Variants in MACROD2 observed in about 807,000 individuals in gnomAD.
The protein encoded by MACROD2 is ADP-ribose glycohydrolase MACROD2.
A neutral mutation model predicts 70.4 loss-of-function variants in MACROD2; 36 were observed. That is an observed-to-expected ratio of 0.51 (90% confidence interval 0.39 to 0.68). The LOEUF (loss-of-function observed/expected upper bound fraction) is 0.68, where lower values mean the gene tolerates loss of function less well. Ranked by LOEUF, MACROD2 falls within the 30% of genes least tolerant of loss-of-function variation. The probability of loss-of-function intolerance (pLI) is 0.00; values close to 1 mark genes in which losing one functional copy is unlikely to be tolerated. For synonymous variants in MACROD2, 172 were observed against 178.8 expected, an observed-to-expected ratio of 0.96 and a Z score of 0.30; for missense variants, 496 against 538.4, an observed-to-expected ratio of 0.92 and a Z score of 0.78.
At chr20:14,177,563 G>T (rs777984476) in intron 3 of MACROD2, among the ~76,000 whole-genome samples, 9 of 151,984 alleles carry the variant, frequency 5.9e-5, no homozygotes, top group Admixed American at 5.9e-4. Flanking sequence ...TGATCTGCCC[G>T]CCTCGGCCTC....
Position 14,281,971 on chromosome 20 carries a change from G to A in MACROD2, c.271+196243G>A, listed in dbSNP as rs1004608040. On this transcript the variant is annotated intron_variant, in intron 3 of 17. Coordinates refer to ENST00000684519, the MANE Select transcript of MACROD2 (RefSeq NM_001351661.2). ...AAAAAAGAAAAGAAAAATATAATAA[G>A]CACATTATATTTTATCCTAAATTAT... 2.7e-5 allele frequency among the ~76,000 whole-genome samples: 4 copies of A among 146,430 alleles called. No homozygotes were observed. In the Admixed American group the frequency reaches 2.7e-4, roughly 10 times the overall value.
In MACROD2 at chr20:15,227,823, GTTTTTTTT is replaced by G. The variant is rs59129207; in HGVS notation, c.419-2098_419-2091del. Among the ~76,000 whole-genome samples, 23 of 46,092 alleles carry G rather than the reference GTTTTTTTT, an allele frequency of 5.0e-4. 2 individuals are homozygous for G. The highest frequency in any genetic ancestry group is 1.2e-3 in the East Asian group (2 of 1,720). The allele number at this position is 46,092 out of a possible 152,430, so 30.2% of individuals were successfully genotyped here. On this transcript the variant is annotated intron_variant, in intron 5 of 17. Transcript: ENST00000684519. ...TAACTGGTGTGATAGAATTTCACCT[GTTTTTTTT>G]TTTTTTTTTTTTTTTTTTCAAATTT...
chr20:14,568,106 G>A (rs1979927518), intron 4 of MACROD2, among the ~76,000 whole-genome samples: 1 of 151,982 alleles, frequency 6.6e-6, no homozygotes, highest in African/African-American at 2.4e-5. Context: ...AGGGCTTTTA[G>A]CTAGTTGGTG....
In MACROD2 at chr20:15,064,192, G is replaced by C. The variant is rs140114869; in HGVS notation, c.419-165748G>C. On this transcript the variant is annotated intron_variant, in intron 5 of 17. Coordinates refer to ENST00000684519, the MANE Select transcript of MACROD2 (RefSeq NM_001351661.2). Reference sequence around the variant, plus strand: ...GGAGGGGACCAATCTGAGTTGGTACGTGACCCCTTCACCAAAGTAGGAACT... The same window carrying C: ...GGAGGGGACCAATCTGAGTTGGTACCTGACCCCTTCACCAAAGTAGGAACT... Among the ~76,000 whole-genome samples the C allele has an allele frequency of 1.7e-4, 26 of 152,186 alleles. No homozygotes were observed. In the South Asian group the frequency reaches 5.4e-3, roughly 32 times the overall value.
At chr20:15,802,407 T>G (rs921259985) in intron 8 of MACROD2, among the ~76,000 whole-genome samples, 1 of 152,160 alleles carries the variant, frequency 6.6e-6, no homozygotes, top group Non-Finnish European at 1.5e-5. Flanking sequence ...TGAAGGGATG[T>G]TGGATTTTAT....
chr20:14,817,206 C>G (rs577172749), intron 5 of MACROD2, among the ~76,000 whole-genome samples: 1 of 152,222 alleles, frequency 6.6e-6, no homozygotes, highest in South Asian at 2.1e-4. Context: ...GCAGATAGAA[C>G]TATCAGAGCA....
intron 7 of MACROD2, among the ~76,000 whole-genome samples, chr20:15,446,234 T>C (rs1304473790): frequency 6.6e-6 from 1 of 152,158 alleles, no homozygotes; most frequent in Non-Finnish European, 1.5e-5. Flanking sequence ...TTCTGAAGAC[T>C]GACTGAATAT....
chr20:14,015,234 A>C (rs1490517566), intron 2 of MACROD2, among the ~76,000 whole-genome samples: 1 of 152,192 alleles, frequency 6.6e-6, no homozygotes, highest in South Asian at 2.1e-4. Context: ...GTACATTCAC[A>C]GTGCTGTGCG....
chr20:14,138,763 C>CCACACACACA (rs11469437), intron 3 of MACROD2, among the ~76,000 whole-genome samples: 51 of 147,130 alleles, frequency 3.5e-4, no homozygotes, highest in African/African-American at 6.0e-4. Context: ...CTTAAGTTTT[C>CCACACACACA]CACACACACA....
intron 8 of MACROD2, among the ~76,000 whole-genome samples, chr20:15,657,879 G>A (rs542869841): frequency 3.3e-5 from 5 of 152,224 alleles, no homozygotes; most frequent in South Asian, 2.1e-4. Flanking sequence ...GTAATACCCC[G>A]CTACTTGTGA....
intron 8 of MACROD2, among the ~76,000 whole-genome samples, chr20:15,844,926 G>C (rs1240424764): frequency 6.6e-6 from 1 of 151,994 alleles, no homozygotes; most frequent in African/African-American, 2.4e-5. Flanking sequence ...ATAAAAATAT[G>C]TTGCAAGAAG....
chr20:15,664,733 C>A lies in MACROD2; in HGVS notation c.645+164886C>A, dbSNP rs141672588. On this transcript the variant is annotated intron_variant, in intron 8 of 17. Coordinates refer to ENST00000684519, the MANE Select transcript of MACROD2 (RefSeq NM_001351661.2). The stretch of plus-strand genomic sequence containing the variant: ...TTTTTTCATGGTGTTGACAGAAGTA[C>A]AAGAGACACGCACAGTGGCACAAGT... Among the ~76,000 whole-genome samples, 156 of 152,188 alleles carry A rather than the reference C, an allele frequency of 1.0e-3. 3 individuals are homozygous for A. The highest frequency in any genetic ancestry group is 3.4e-3 in the Middle Eastern group (1 of 294).
At chr20:14,529,233 A>C (rs2085273569) in intron 4 of MACROD2, among the ~76,000 whole-genome samples, 1 of 152,214 alleles carries the variant, frequency 6.6e-6, no homozygotes. Context: ...TTAAACAACA[A>C]GATTTATTAT....
At chr20:15,503,130 G>A (rs11905276) in intron 8 of MACROD2, among the ~76,000 whole-genome samples, 1,700 of 152,280 alleles carry the variant, frequency 0.011, 26 homozygotes, top group African/African-American at 0.038. Flanking sequence ...TAAATCAGAT[G>A]TGATATATGA....
chr20:15,357,111 A>T (rs993384714), intron 6 of MACROD2, among the ~76,000 whole-genome samples: 1 of 146,886 alleles, frequency 6.8e-6, no homozygotes, highest in African/African-American at 2.6e-5. Context: ...ATCAAAGAGT[A>T]AAAAAAAAAG....
intron 10 of MACROD2, among the ~76,000 whole-genome samples, chr20:15,910,971 C>T (rs189354501): frequency 6.6e-6 from 1 of 152,356 alleles, no homozygotes; most frequent in East Asian, 1.9e-4. Flanking sequence ...ATTTCATATT[C>T]TCACCTCTCT....
intron 10 of MACROD2, among the ~76,000 whole-genome samples, chr20:15,886,923 C>G (rs934219470): frequency 6.6e-6 from 1 of 152,088 alleles, no homozygotes; most frequent in Non-Finnish European, 1.5e-5. Flanking sequence ...CTTTCTCATT[C>G]TAACAGATAT....
rs191527207 is a variant in MACROD2 at position 15,928,987 on chromosome 20, A to C, written c.776-4289A>C. Among the ~76,000 whole-genome samples, 529 of 148,734 alleles carry C rather than the reference A, an allele frequency of 3.6e-3. 5 individuals carry two copies. The highest frequency in any genetic ancestry group is 0.011 in the African/African-American group (467 of 41,016). ...TAACTTAAAGCCTTCCTGAGCTGAC[A>C]AAAATAAACATGTGTATTAATCAGC... On this transcript the variant is annotated intron_variant, in intron 10 of 17. Coordinates refer to ENST00000684519, the MANE Select transcript of MACROD2 (RefSeq NM_001351661.2).
intron 3 of MACROD2, among the ~76,000 whole-genome samples, chr20:14,238,659 C>T (rs758252573): frequency 2.6e-5 from 4 of 152,088 alleles, no homozygotes; most frequent in African/African-American, 9.7e-5. Context: ...TGGAAAATCC[C>T]ACAGTCTCTA....
Sources: gnomAD v4.1 joint callset for allele counts (sites outside exome capture counted in the v4.1 genomes callset) on GRCh38, gnomAD v4.1.1 for gene constraint, MANE v1.5 for transcripts, NCBI Gene and HGNC (gene_info 2026-07-23, HGNC 2026-07-21) for gene names.